Variants in PKHD1 observed in about 807,000 individuals in gnomAD.
The protein encoded by PKHD1 is fibrocystin.
In PKHD1, 291 loss-of-function variants were observed where a neutral mutation model predicts 412.0. The observed-to-expected ratio is 0.71, with a 90% CI of 0.64 to 0.78. The LOEUF (loss-of-function observed/expected upper bound fraction) is 0.78, where lower values mean the gene tolerates loss of function less well. Among genes scored for constraint, PKHD1 ranks in the 30% least tolerant of loss-of-function variants. The pLI, the probability that PKHD1 is intolerant of heterozygous loss-of-function variation, is 0.00. For synonymous variants in PKHD1, 1,777 were observed against 1,821.5 expected (o/e 0.98, Z 0.62); for missense variants, 4,825 against 4,950.7 (o/e 0.97, Z 0.76).
At chr6:51,808,925 C>T (rs1764254708) in intron 52 of PKHD1, among the ~76,000 whole-genome samples, 1 of 152,190 alleles carries the variant, frequency 6.6e-6, no homozygotes, top group Non-Finnish European at 1.5e-5. Context: ...TCCCTATTGC[C>T]ACTTTGCTGG....
chr6:51,826,420 A>T (rs911341165), intron 52 of PKHD1, among the ~76,000 whole-genome samples: 2 of 152,166 alleles, frequency 1.3e-5, no homozygotes, highest in Admixed American at 6.6e-5. Context: ...TCATATTTGC[A>T]CCCTTCAAAA....
At chr6:51,989,972 GA>G (rs2128066370) in intron 35 of PKHD1, among the ~76,000 whole-genome samples, 4 of 119,170 alleles carry the variant, frequency 3.4e-5, no homozygotes, top group South Asian at 2.9e-4. Context: ...AGGAAGGAAG[GA>G]AGGAAGGAAG....
intron 63 of PKHD1, 132 bp from the exon 64 acceptor site, chr6:51,639,088 A>G (rs1349408455): frequency 1.4e-5 from 10 of 737,630 alleles, no homozygotes; most frequent in Non-Finnish European, 1.5e-5. Context: ...TACCTAATCC[A>G]TCAGGTTCTT....
intron 5 of PKHD1, among the ~76,000 whole-genome samples, chr6:52,079,689 A>T (rs1163916178): frequency 4.6e-5 from 7 of 152,210 alleles, no homozygotes; most frequent in Admixed American, 3.9e-4. Flanking sequence ...GAATCAAATG[A>T]TGTACATAAA....
chr6:51,736,725 T>C (rs576348538), intron 60 of PKHD1, among the ~76,000 whole-genome samples: 2 of 152,264 alleles, frequency 1.3e-5, no homozygotes, highest in East Asian at 3.9e-4. Context: ...AGACAAATTT[T>C]CTAACCGTTT....
intron 48 of PKHD1, among the ~76,000 whole-genome samples, chr6:51,864,194 G>C (rs1774668251): frequency 6.6e-6 from 1 of 152,144 alleles, no homozygotes; most frequent in Non-Finnish European, 1.5e-5. Flanking sequence ...AGGTAGAGCA[G>C]AGTGCTGAGA....
chr6:52,011,663 A>G (rs889115885), intron 34 of PKHD1, among the ~76,000 whole-genome samples: 1 of 152,208 alleles, frequency 6.6e-6, no homozygotes, highest in African/African-American at 2.4e-5. Context: ...TTTCAAATCA[A>G]TGTCAAAATG....
At chr6:51,857,178 G>A (rs1447975168) in intron 48 of PKHD1, among the ~76,000 whole-genome samples, 3 of 149,882 alleles carry the variant, frequency 2.0e-5, no homozygotes, top group African/African-American at 7.4e-5. Context: ...CTAAAAGAGA[G>A]TGAAAGTGGA....
chr6:52,080,152 G>T, intron 4 of PKHD1, 144 bp from the exon 5 acceptor site: 2 of 681,982 alleles, frequency 2.9e-6, no homozygotes, highest in Non-Finnish European at 2.7e-6. Flanking sequence ...TCACCTCTTT[G>T]ATCCACTCAT....
intron 55 of PKHD1, among the ~76,000 whole-genome samples, chr6:51,765,490 C>T (rs1485207185): frequency 2.0e-5 from 3 of 152,064 alleles, no homozygotes; most frequent in Admixed American, 6.6e-5. Context: ...CTATAGTGAC[C>T]TTCTTCCTGT....
intron 53 of PKHD1, among the ~76,000 whole-genome samples, chr6:51,784,903 C>G (rs1207239113): frequency 6.6e-6 from 1 of 152,194 alleles, no homozygotes; most frequent in Non-Finnish European, 1.5e-5. Context: ...AAGGTCTTTA[C>G]TATCTAACAT....
intron 16 of PKHD1, 22 bp from the exon 17 acceptor site, chr6:52,057,001 A>G: frequency 2.7e-6 from 4 of 1,498,306 alleles, no homozygotes; most frequent in Non-Finnish European, 3.7e-6. Flanking sequence ...AAGACAGACA[A>G]GACTAAATGA....
At chr6:52,034,947 G>A (rs969571284) in intron 28 of PKHD1, among the ~76,000 whole-genome samples, 6 of 152,174 alleles carry the variant, frequency 3.9e-5, no homozygotes, top group Non-Finnish European at 7.4e-5. Flanking sequence ...TAGGAATGTT[G>A]ATGCTGCTTA....
At chr6:51,824,376 A>G (rs1216150523) in intron 52 of PKHD1, among the ~76,000 whole-genome samples, 1 of 152,128 alleles carries the variant, frequency 6.6e-6, no homozygotes, top group Non-Finnish European at 1.5e-5. Context: ...TACATTCATC[A>G]TTTCAAAGAT....
chr6:52,032,989 G>A (rs1345078366), intron 29 of PKHD1, 41 bp downstream of exon 29: 1 of 1,563,568 alleles, frequency 6.4e-7, no homozygotes. Flanking sequence ...TAGGACCAAT[G>A]CTCTAAGAAG....
At chr6:51,995,350 A>T (rs1797600052) in intron 35 of PKHD1, among the ~76,000 whole-genome samples, 1 of 151,748 alleles carries the variant, frequency 6.6e-6, no homozygotes, top group Admixed American at 6.6e-5. Context: ...TTCCTCCTGA[A>T]TTAAATCTAC....
At chr6:51,690,196 C>T (rs190456413) in intron 60 of PKHD1, among the ~76,000 whole-genome samples, 38 of 145,896 alleles carry the variant, frequency 2.6e-4, no homozygotes, top group African/African-American at 7.7e-4. Flanking sequence ...CGCTTGAACT[C>T]GGGAGGCGGA....
intron 39 of PKHD1, among the ~76,000 whole-genome samples, chr6:51,910,787 T>G (rs1420127018): frequency 6.6e-6 from 1 of 152,114 alleles, no homozygotes; most frequent in Non-Finnish European, 1.5e-5. Context: ...ATCCAAACAT[T>G]CTTTTTAGAA....
chr6:52,055,626 C>T lies in PKHD1; in HGVS notation c.1797G>A (p.Pro599=), dbSNP rs781018736. ...CTAGCCGATAGCCCTTCTGGGCAGC[C>T]GGGGGAGTAAGGACAAGGTGTCGAG... ...RQPRHLVLTP[P]AAQKGYRLDQ... is the part of the protein sequence containing the mutation. Residue 599 remains proline, a synonymous_variant, in exon 19 of 67, where the codon CCG becomes CCA. Transcript: ENST00000371117. 8.1e-6 allele frequency: 13 copies of T among 1,613,784 alleles called. No individual in the cohort carries two copies. Among genetic ancestry groups the T allele is most frequent in the East Asian group, 4.5e-5 (2 of 44,894 alleles).
Sources: gnomAD v4.1 joint callset for allele counts (sites outside exome capture counted in the v4.1 genomes callset) on GRCh38, gnomAD v4.1.1 for gene constraint, MANE v1.5 for transcripts, NCBI Gene and HGNC (gene_info 2026-07-23, HGNC 2026-07-21) for gene names.